Variants in TMEM238L observed in about 807,000 individuals in gnomAD.
TMEM238L encodes the protein transmembrane protein 238 like, also known as transmembrane protein 238-like.
intron 1 of TMEM238L, chr17:10,797,961 A>G (rs1439485594): frequency 1.3e-5 from 2 of 152,000 alleles, no homozygotes; most frequent in African/African-American, 2.4e-5. Context: ...CTCCTCTCCT[A>G]GTGTCAGACT....
chr17:10,799,082 G>A lies in TMEM238L; in HGVS notation c.*119-3134C>T, dbSNP rs566332384. 3.3e-5 allele frequency among the ~76,000 whole-genome samples: 5 copies of A among 152,310 alleles called. No homozygotes were observed. In the South Asian group the frequency reaches 1.0e-3, roughly 32 times the overall value. On this transcript the variant is annotated intron_variant, in intron 1 of 1. Coordinates refer to ENST00000581851, the Ensembl canonical transcript of TMEM238L. ...CCCTGCCCTCTCTCTGGAGAACCAC[G>A]CAGGCTGTGGGCAGAAGGCTTGTGG...
intron 1 of TMEM238L, among the ~76,000 whole-genome samples, chr17:10,802,862 CTT>C (rs1270586882): frequency 6.6e-6 from 1 of 152,218 alleles, no homozygotes; most frequent in East Asian, 1.9e-4. Context: ...CTCTCTGCCT[CTT>C]TGGTTGCACG....
At chr17:10,795,852 C>G (rs1904524272) in exon 2 of TMEM238L, 2 of 152,368 alleles carry the variant, frequency 1.3e-5, no homozygotes, top group African/African-American at 4.8e-5. Flanking sequence ...TTGAAAGCCT[C>G]AGTATTGCAG....
Position 10,797,507 on chromosome 17 carries a change from C to G in TMEM238L, c.*119-1559G>C, listed in dbSNP as rs147066052. 4.0e-3 allele frequency among the ~76,000 whole-genome samples: 615 copies of G among 151,876 alleles called. 7 individuals are homozygous for G. Among genetic ancestry groups the G allele is most frequent in the African/African-American group, 0.014 (581 of 41,368 alleles). On this transcript the variant is annotated intron_variant, in intron 1 of 1. Coordinates refer to ENST00000581851, the Ensembl canonical transcript of TMEM238L. ...TGTCTCTAACCCCTAACCTCTCCCT[C>G]CACATCTGATCTTTCTTCTGAGTTT...
At chr17:10,795,338 C>T (rs1360069846) in exon 2 of TMEM238L, 1 of 152,238 alleles carries the variant, frequency 6.6e-6, no homozygotes, top group African/African-American at 2.4e-5. Context: ...GAGTGGGGCT[C>T]CATTAATAGT....
intron 1 of TMEM238L, among the ~76,000 whole-genome samples, chr17:10,800,515 G>A (rs149175198): frequency 1.3e-5 from 2 of 152,194 alleles, no homozygotes; most frequent in African/African-American, 4.8e-5. Context: ...AAATCCTAAT[G>A]TTGTACATTG....
intron 1 of TMEM238L, among the ~76,000 whole-genome samples, chr17:10,796,767 A>T (rs112362400): frequency 3.9e-5 from 6 of 152,154 alleles, no homozygotes; most frequent in African/African-American, 1.4e-4. Context: ...GGGAACTTCC[A>T]TTTGGGCTCT....
chr17:10,803,947 A>G, exon 1 of TMEM238L: 1 of 399,084 alleles, frequency 2.5e-6, no homozygotes. Context: ...TCTTCCCCAC[A>G]GACTCCCCAG....
chr17:10,796,504 C>T lies in TMEM238L; in HGVS notation c.*119-556G>A, dbSNP rs984289135. On this transcript the variant is annotated intron_variant, in intron 1 of 1. Transcript: ENST00000581851. ...TGCCCTACCCTCTTAATCTCATCAC[C>T]AAATACTTTGAAGATGAATCTGCAC... 1.8e-4 allele frequency among the ~76,000 whole-genome samples: 28 copies of T among 152,216 alleles called. 1 individual carries two copies. The highest frequency in any genetic ancestry group is 5.8e-4 in the African/African-American group (24 of 41,452).
chr17:10,796,046 G>C (rs573395935), intron 1 of TMEM238L, 98 bp from the exon 2 acceptor site: 1 of 152,174 alleles, frequency 6.6e-6, no homozygotes, highest in Admixed American at 6.5e-5. Context: ...CTTTGGAGTT[G>C]CCAGACGTAG....
At chr17:10,802,144 GCA>G (rs1904764692) in intron 1 of TMEM238L, among the ~76,000 whole-genome samples, 1 of 152,114 alleles carries the variant, frequency 6.6e-6, no homozygotes, top group South Asian at 2.1e-4. Flanking sequence ...CAACATACCA[GCA>G]CACAAATCAG....
chr17:10,796,724 C>G (rs1347612927), intron 1 of TMEM238L, among the ~76,000 whole-genome samples: 1 of 152,174 alleles, frequency 6.6e-6, no homozygotes, highest in Non-Finnish European at 1.5e-5. Context: ...GTCCTCTTTG[C>G]CATTGGCATA....
rs1254084665 is a variant in TMEM238L at position 10,803,832 on chromosome 17, C to T, written c.132G>A (p.Trp44Ter). Reference sequence around the variant, plus strand: ...GGGCACCTGTGTAGATGAAGAAGTCCCAGGAACTCAGGGGGGCCAAGATCC... The same window carrying T: ...GGGCACCTGTGTAGATGAAGAAGTCTCAGGAACTCAGGGGGGCCAAGATCC... The change falls in exon 1 of 2, where the codon TGG becomes TGA. Residue 44 changes from tryptophan (W) to a stop codon, truncating the protein, a stop_gained. Coordinates refer to ENST00000581851, the Ensembl canonical transcript of TMEM238L. LOFTEE classifies it high-confidence loss of function. The T allele has an allele frequency of 2.5e-6, 1 of 399,750 alleles. No individual in the cohort carries two copies. The highest frequency in any genetic ancestry group is 2.1e-5 in the African/African-American group (1 of 48,634). The allele number at this position is 399,750 out of a possible 1,614,324, so 24.8% of individuals were successfully genotyped here.
chr17:10,800,500 C>T (rs1904704353), intron 1 of TMEM238L, among the ~76,000 whole-genome samples: 1 of 152,232 alleles, frequency 6.6e-6, no homozygotes, highest in Non-Finnish European at 1.5e-5. Flanking sequence ...CTCATATCTA[C>T]TGAAAAATCC....
At chr17:10,796,780 C>T (rs952981194) in intron 1 of TMEM238L, among the ~76,000 whole-genome samples, 1 of 152,280 alleles carries the variant, frequency 6.6e-6, no homozygotes, top group Admixed American at 6.5e-5. Context: ...TGGGCTCTTC[C>T]ATCTGCTTTC....
At chr17:10,796,798 C>T (rs1279450109) in intron 1 of TMEM238L, among the ~76,000 whole-genome samples, 3 of 152,182 alleles carry the variant, frequency 2.0e-5, no homozygotes, top group East Asian at 1.9e-4. Flanking sequence ...TTCCTTTTCC[C>T]GTTCCCCACA....
chr17:10,803,899 G>A lies in TMEM238L; in HGVS notation c.65C>T (p.Ala22Val), dbSNP rs566922912. ...CAGGCCGACCGCGTCCAGCAGGAGGGCGAGGATGAGGAAGAGCGCACAGCG... is the reference window on the plus strand; with the variant it reads ...CAGGCCGACCGCGTCCAGCAGGAGGACGAGGATGAGGAAGAGCGCACAGCG... The change falls in exon 1 of 2, where the codon GCC becomes GTC. Residue 22 changes from alanine (A) to valine (V), a missense_variant. By Grantham distance (64) the Ala-to-Val change is moderately conservative. Coordinates refer to ENST00000581851, the Ensembl canonical transcript of TMEM238L. 2.8e-5 allele frequency: 11 copies of A among 399,688 alleles called. No individual in the cohort carries two copies. In the East Asian group the frequency reaches 3.6e-4, roughly 13 times the overall value. 24.8% of individuals were successfully genotyped at this position (399,688 alleles called of 1,614,324 possible).
intron 1 of TMEM238L, among the ~76,000 whole-genome samples, chr17:10,799,386 C>T (rs141553718): frequency 0.013 from 1,961 of 152,218 alleles, 28 homozygotes; most frequent in Non-Finnish European, 0.021. Flanking sequence ...TTAGTAGAGA[C>T]GGGGTTTCAC....
intron 1 of TMEM238L, among the ~76,000 whole-genome samples, chr17:10,798,683 G>A (rs1032570544): frequency 2.0e-5 from 3 of 151,968 alleles, no homozygotes; most frequent in African/African-American, 7.3e-5. Context: ...TTCTGTGAGT[G>A]TGTGTTTCTG....
Sources: gnomAD v4.1 joint callset for allele counts (sites outside exome capture counted in the v4.1 genomes callset) on GRCh38, gnomAD v4.1.1 for gene constraint, MANE v1.5 for transcripts, NCBI Gene and HGNC (gene_info 2026-07-23, HGNC 2026-07-21) for gene names.